RB1: variants seen among roughly 807,000 people sequenced by gnomAD.
The protein encoded by RB1 is retinoblastoma-associated protein.
Under a neutral mutation model 135.4 loss-of-function variants are expected in RB1, and 18 were observed. The ratio of observed to expected loss-of-function variants is 0.13; its 90% confidence interval spans 0.09 to 0.20. The LOEUF is 0.20. Ranked by LOEUF, RB1 falls within the 10% of genes least tolerant of loss-of-function variation. RB1 has a pLI of 1.00. For synonymous variants in RB1, 365 were observed against 373.2 expected (o/e 0.98, Z 0.25); for missense variants, 868 against 1,110.0 (o/e 0.78, Z 3.10).
intron 17 of RB1, among the ~76,000 whole-genome samples, chr13:48,413,765 C>G: frequency 6.6e-6 from 1 of 152,128 alleles, no homozygotes; most frequent in Non-Finnish European, 1.5e-5. Context: ...AGAACAAACT[C>G]AAGAATGTTT....
At chr13:48,458,165 C>G (rs1311553600) in intron 19 of RB1, among the ~76,000 whole-genome samples, 1 of 152,254 alleles carries the variant, frequency 6.6e-6, no homozygotes, top group Non-Finnish European at 1.5e-5. Flanking sequence ...ATCCACGCCT[C>G]TCTGCTGCAG....
intron 16 of RB1, among the ~76,000 whole-genome samples, chr13:48,380,943 A>C (rs572629443): frequency 1.4e-4 from 21 of 152,300 alleles, no homozygotes; most frequent in African/African-American, 5.1e-4. Flanking sequence ...TGAGAATTAA[A>C]ATAGATATGC....
chr13:48,394,922 G>C (rs1295009506), intron 17 of RB1, among the ~76,000 whole-genome samples: 1 of 152,178 alleles, frequency 6.6e-6, no homozygotes, highest in Non-Finnish European at 1.5e-5. Context: ...CTCCTCAAGT[G>C]GGTCCCTGAC....
chr13:48,353,530 A>G (rs1169495847), intron 6 of RB1, among the ~76,000 whole-genome samples: 2 of 152,114 alleles, frequency 1.3e-5, no homozygotes, highest in Non-Finnish European at 2.9e-5. Flanking sequence ...AAGAACTAAT[A>G]CCAATCCTAC....
At chr13:48,386,942 T>G (rs1399049917) in intron 17 of RB1, among the ~76,000 whole-genome samples, 1 of 152,194 alleles carries the variant, frequency 6.6e-6, no homozygotes, top group Non-Finnish European at 1.5e-5. Flanking sequence ...AAAATTTATT[T>G]CGGTTCATTG....
chr13:48,421,796 T>C (rs1043134343), intron 17 of RB1, among the ~76,000 whole-genome samples: 4 of 152,140 alleles, frequency 2.6e-5, no homozygotes, highest in African/African-American at 7.2e-5. Flanking sequence ...ATTAATGAAA[T>C]GCAAATCAAA....
At chr13:48,459,270 A>G (rs766687483) in intron 19 of RB1, among the ~76,000 whole-genome samples, 1 of 152,174 alleles carries the variant, frequency 6.6e-6, no homozygotes, top group African/African-American at 2.4e-5. Flanking sequence ...ACCACTAAAG[A>G]ACTTATTCAT....
chr13:48,414,879 G>A (rs1352226350), intron 17 of RB1, among the ~76,000 whole-genome samples: 1 of 152,122 alleles, frequency 6.6e-6, no homozygotes, highest in African/African-American at 2.4e-5. Flanking sequence ...GTATGTGTGT[G>A]TTCTTATTAG....
intron 18 of RB1, 73 bp from the exon 19 acceptor site, chr13:48,456,131 A>G: frequency 6.3e-7 from 1 of 1,598,624 alleles, no homozygotes; most frequent in Middle Eastern, 1.7e-4. Context: ...TGGGTGTACA[A>G]CCTTGAAGTG....
In RB1 at chr13:48,415,179, T is replaced by G. The variant is rs550738210; in HGVS notation, c.1695+33736T>G. On this transcript the variant is annotated intron_variant, in intron 17 of 26. Coordinates refer to ENST00000267163, the MANE Select transcript of RB1 (RefSeq NM_000321.3). The stretch of plus-strand genomic sequence containing the variant: ...ATTTTCTCATTCAAATAATTAAAAT[T>G]TATTAATTCTACTTGGAATATTTTT... Among the ~76,000 whole-genome samples, 106 of 152,296 alleles carry G rather than the reference T, an allele frequency of 7.0e-4. 2 individuals carry two copies. In the South Asian group the frequency reaches 0.021, roughly 31 times the overall value.
rs1327335663 is a variant in RB1 at position 48,481,542 on chromosome 13, TAAG to T, written c.*1472_*1474del. 4.3e-6 allele frequency: 1 copy of T among 230,922 alleles called. No individual in the cohort carries two copies. Among genetic ancestry groups the T allele is most frequent in the African/African-American group, 2.2e-5 (1 of 45,196 alleles). The allele number at this position is 230,922 out of a possible 1,614,324, so 14.3% of individuals were successfully genotyped here. ...AACAAAATTTTATTTTGTGCTCATTTAAGTTTCAAACTTACTATTTTGACAGTT... is the reference window on the plus strand; with the variant it reads ...AACAAAATTTTATTTTGTGCTCATTTTTTCAAACTTACTATTTTGACAGTT... On this transcript the variant is annotated 3_prime_UTR_variant, in exon 27 of 27. Coordinates refer to ENST00000267163, the MANE Select transcript of RB1 (RefSeq NM_000321.3).
At chr13:48,345,033 A>C (rs752732091) in intron 3 of RB1, 47 bp from the exon 4 acceptor site, 77 of 1,583,366 alleles carry the variant, frequency 4.9e-5, no homozygotes, top group Non-Finnish European at 6.5e-5. Flanking sequence ...AAATAACACA[A>C]ATTTTTAAGG....
intron 18 of RB1, among the ~76,000 whole-genome samples, chr13:48,453,443 A>G (rs1275566720): frequency 6.6e-6 from 1 of 152,210 alleles, no homozygotes; most frequent in Non-Finnish European, 1.5e-5. Context: ...CATTAACTCA[A>G]AAATGTCAAA....
intron 8 of RB1, among the ~76,000 whole-genome samples, chr13:48,364,677 G>C (rs965554670): frequency 1.3e-5 from 2 of 152,098 alleles, no homozygotes; most frequent in Admixed American, 1.3e-4. Context: ...AAGCTGTAAT[G>C]CATGTGATTG....
Position 48,368,543 on chromosome 13 carries a change from A to G in RB1, c.1066A>G (p.Thr356Ala). Reference sequence around the variant, plus strand: ...GTTATTTAGTTTTGAAACACAGAGAACACCACGAAAAAGTAACCTTGATGA... The same window carrying G: ...GTTATTTAGTTTTGAAACACAGAGAGCACCACGAAAAAGTAACCTTGATGA... ...DSIDSFETQR[T>A]PRKSNLDEEV... Residue 356 changes from threonine (T) to alanine (A), a missense_variant, in exon 11 of 27, where the codon ACA (threonine) becomes GCA (alanine). Transcript: ENST00000267163. 6.2e-7 allele frequency: 1 copy of G among 1,613,492 alleles called. No individual in the cohort carries two copies. Among genetic ancestry groups the G allele is most frequent in the Non-Finnish European group, 8.5e-7 (1 of 1,179,686 alleles).
At chr13:48,416,656 C>G (rs925867697) in intron 17 of RB1, 2 of 152,310 alleles carry the variant, frequency 1.3e-5, no homozygotes, top group Admixed American at 6.5e-5. Flanking sequence ...ATCCCACCCC[C>G]ACAGAGCCCA....
chr13:48,459,914 T>TTTCC (rs1215883470), intron 20 of RB1, 81 bp downstream of exon 20: 46 of 484,416 alleles, frequency 9.5e-5, no homozygotes, highest in Middle Eastern at 7.6e-4. Flanking sequence ...TCTTTCTTTC[T>TTTCC]TTCTTTCTTT....
intron 6 of RB1, among the ~76,000 whole-genome samples, chr13:48,354,623 C>T (rs1343216175): frequency 2.6e-5 from 4 of 152,056 alleles, no homozygotes; most frequent in South Asian, 2.1e-4. Flanking sequence ...CCCAGAATAG[C>T]GAAAACTATC....
chr13:48,357,471 A>G (rs1203067400), intron 6 of RB1, among the ~76,000 whole-genome samples: 1 of 152,000 alleles, frequency 6.6e-6, no homozygotes, highest in Non-Finnish European at 1.5e-5. Context: ...TGGATTTATA[A>G]TAGACGAATT....
Sources: gnomAD v4.1 joint callset for allele counts (sites outside exome capture counted in the v4.1 genomes callset) on GRCh38, gnomAD v4.1.1 for gene constraint, MANE v1.5 for transcripts, NCBI Gene and HGNC (gene_info 2026-07-23, HGNC 2026-07-21) for gene names.